Variants in MTRF1 observed in about 807,000 individuals in gnomAD.
MTRF1 encodes the protein peptide chain release factor 1, mitochondrial.
In MTRF1, 51 loss-of-function variants were observed where a neutral mutation model predicts 62.9. The ratio of observed to expected loss-of-function variants is 0.81; its 90% CI spans 0.65 to 1.02. The LOEUF (loss-of-function observed/expected upper bound fraction) is 1.02, where lower values mean the gene tolerates loss of function less well. Ranked by LOEUF, MTRF1 falls within the 50% of genes least tolerant of loss-of-function variation. The pLI, the probability that MTRF1 is intolerant of heterozygous loss-of-function variation, is 0.00. For synonymous variants in MTRF1, 158 were observed against 181.9 expected (o/e 0.87, Z 1.06); for missense variants, 446 against 530.0 (o/e 0.84, Z 1.56).
In MTRF1 at chr13:41,260,511, ATTC is replaced by A. The variant is rs1455839910; in HGVS notation, c.394_396del (p.Glu132del). Reference sequence around the variant, plus strand: ...TACCTACTTTTACACATTGATTCTAATTCTTCAATTGCTTGTTCAGTCTCCTGA... The same window carrying A: ...TACCTACTTTTACACATTGATTCTAATTCAATTGCTTGTTCAGTCTCCTGA... On this transcript the variant is annotated inframe_deletion, in exon 2 of 10. Transcript: ENST00000379480. 1.2e-6 allele frequency: 2 copies of A among 1,612,968 alleles called. No individual in the cohort carries two copies. Among genetic ancestry groups the A allele is most frequent in the Non-Finnish European group, 1.7e-6 (2 of 1,179,336 alleles).
At chr13:41,293,250 T>A in the MTRF1 span, among the ~76,000 whole-genome samples, 1 of 152,324 alleles carries the variant, frequency 6.6e-6, no homozygotes, top group East Asian at 1.9e-4. Context: ...TGACCAGAAA[T>A]CTCTTAAGGA....
chr13:41,288,594 G>A, the MTRF1 span, among the ~76,000 whole-genome samples: 6 of 152,320 alleles, frequency 3.9e-5, no homozygotes, highest in East Asian at 1.2e-3. Flanking sequence ...TTAGGTGAGT[G>A]CAAAAGTAAT....
chr13:41,311,391 C>A, the MTRF1 span: 29 of 785,828 alleles, frequency 3.7e-5, no homozygotes, highest in East Asian at 7.7e-4. Flanking sequence ...TGCCCAATTG[C>A]AACTGTAGAC....
intron 7 of MTRF1, among the ~76,000 whole-genome samples, chr13:41,228,210 G>T (rs1171047024): frequency 6.6e-6 from 1 of 152,120 alleles, no homozygotes; most frequent in African/African-American, 2.4e-5. Context: ...TTCTATAGAG[G>T]AGTATTTAAT....
At chr13:41,258,529 T>C (rs1010608850) in intron 2 of MTRF1, among the ~76,000 whole-genome samples, 1 of 151,234 alleles carries the variant, frequency 6.6e-6, no homozygotes, top group African/African-American at 2.4e-5. Context: ...GGAGGATTGT[T>C]TGAGCCCCGG....
intron 5 of MTRF1, among the ~76,000 whole-genome samples, chr13:41,248,285 C>G (rs567693577): frequency 1.3e-5 from 2 of 152,190 alleles, no homozygotes; most frequent in African/African-American, 2.4e-5. Flanking sequence ...CCACACTCAG[C>G]TAATTTTTGT....
At chr13:41,311,477 CGCCCGGGCACCTAGCCTCCCT>C in the MTRF1 span, 2 of 1,543,376 alleles carry the variant, frequency 1.3e-6, no homozygotes, top group Non-Finnish European at 1.8e-6. Flanking sequence ...CGAAGCGGAG[CGCCCGGGCACCTAGCCTCCCT>C]GCCGGCCACC....
intron 5 of MTRF1, chr13:41,252,425 A>G (rs1426580231): frequency 1.1e-5 from 4 of 352,418 alleles, no homozygotes; most frequent in Non-Finnish European, 2.0e-5. Flanking sequence ...TAATTCACAT[A>G]TTTCTCCCTA....
At chr13:41,310,175 T>C in the MTRF1 span, among the ~76,000 whole-genome samples, 2 of 152,378 alleles carry the variant, frequency 1.3e-5, no homozygotes, top group South Asian at 4.1e-4. Context: ...ACTGAATGTA[T>C]GGTTTATTCT....
chr13:41,222,113 A>T (rs1398752822), intron 9 of MTRF1, among the ~76,000 whole-genome samples: 2 of 152,128 alleles, frequency 1.3e-5, no homozygotes, highest in African/African-American at 4.8e-5. Flanking sequence ...ATAGGATGGG[A>T]CAGAGTCAAG....
At chr13:41,242,615 C>T (rs2037665525) in intron 5 of MTRF1, among the ~76,000 whole-genome samples, 1 of 152,136 alleles carries the variant, frequency 6.6e-6, no homozygotes, top group South Asian at 2.1e-4. Context: ...TCCTGCACAT[C>T]TTACAAATGA....
At chr13:41,230,105 G>GAA (rs199955193) in intron 7 of MTRF1, among the ~76,000 whole-genome samples, 2 of 138,094 alleles carry the variant, frequency 1.4e-5, no homozygotes, top group African/African-American at 2.7e-5. Flanking sequence ...CTCCATCTAA[G>GAA]AAAAAAAAAA....
chr13:41,300,765 A>G, the MTRF1 span, among the ~76,000 whole-genome samples: 1 of 152,224 alleles, frequency 6.6e-6, no homozygotes, highest in South Asian at 2.1e-4. Flanking sequence ...TAAATTGTTT[A>G]CCAAGATTTT....
At position 41,240,568 on chromosome 13, in the gene MTRF1, G is replaced by A. The variant is rs186039183; in HGVS notation, c.698-135C>T. The A allele has an allele frequency of 3.8e-4, 246 of 642,668 alleles. 3 individuals are homozygous for A. The East Asian group carries it at 8.1e-3, about 21-fold the overall frequency. The allele number at this position is 642,668 out of a possible 1,614,324, so 39.8% of individuals were successfully genotyped here. ...GAACATAAAGCATGGGAGAACGAGG[G>A]CCTCTGAAGAAGAAGAAGAAAAGAG... On this transcript the variant is annotated intron_variant, in intron 5 of 9. Transcript: ENST00000379480.
At chr13:41,218,911 A>C (rs1470658385) in intron 9 of MTRF1, among the ~76,000 whole-genome samples, 1 of 152,236 alleles carries the variant, frequency 6.6e-6, no homozygotes, top group Non-Finnish European at 1.5e-5. Flanking sequence ...AAACTCTGAA[A>C]TTAAACAGAA....
chr13:41,235,610 A>T (rs1411536327), intron 6 of MTRF1: 1 of 152,352 alleles, frequency 6.6e-6, no homozygotes, highest in Non-Finnish European at 1.5e-5. Context: ...AGACCATGTG[A>T]ATTTGAAGAG....
intron 7 of MTRF1, chr13:41,229,367 A>G (rs1341853193): frequency 1.3e-5 from 2 of 152,176 alleles, no homozygotes; most frequent in Non-Finnish European, 1.5e-5. Context: ...GCTTTCTGAA[A>G]ATATGCAATA....
At chr13:41,225,255 G>T (rs756207388) in intron 8 of MTRF1, among the ~76,000 whole-genome samples, 1 of 149,886 alleles carries the variant, frequency 6.7e-6, no homozygotes, top group Non-Finnish European at 1.5e-5. Flanking sequence ...GTGCCAAAAT[G>T]TTAAACGGCA....
At chr13:41,252,480 C>A in intron 5 of MTRF1, 165 bp downstream of exon 5, 2 of 460,798 alleles carry the variant, frequency 4.3e-6, no homozygotes, top group Non-Finnish European at 3.8e-6. Flanking sequence ...TAGCTAACAA[C>A]TCTGCTATAA....
Sources: allele counts gnomAD v4.1 joint callset (sites outside exome capture counted in the v4.1 genomes callset), GRCh38; gene constraint gnomAD v4.1.1; transcripts MANE v1.5; gene names NCBI Gene and HGNC (gene_info 2026-07-23, HGNC 2026-07-21).